Variants in DRD2 observed in about 807,000 individuals in gnomAD.
DRD2 encodes the protein D(2) dopamine receptor.
Under a neutral mutation model 38.0 loss-of-function variants are expected in DRD2, and 8 were observed. That is an observed-to-expected ratio of 0.21 (90% CI 0.12 to 0.38). The LOEUF (loss-of-function observed/expected upper bound fraction) is 0.38. Among genes scored for constraint, DRD2 ranks in the 10% least tolerant of loss-of-function variants. DRD2 has a pLI of 1.00. For synonymous variants in DRD2, 230 were observed against 238.6 expected (o/e 0.96, Z 0.33); for missense variants, 403 against 607.7 (o/e 0.66, Z 3.54).
At chr11:113,464,090 A>G (rs895125784) in intron 1 of DRD2, among the ~76,000 whole-genome samples, 4 of 152,104 alleles carry the variant, frequency 2.6e-5, no homozygotes, top group African/African-American at 9.7e-5. Context: ...CAGCTCTCTC[A>G]TCCACATCTT....
At chr11:113,464,160 T>C (rs1951347213) in intron 1 of DRD2, among the ~76,000 whole-genome samples, 2 of 152,120 alleles carry the variant, frequency 1.3e-5, no homozygotes. Context: ...TCTCTGTAGC[T>C]ATGGAGAGGA....
At chr11:113,465,111 A>ATTT (rs142453320) in intron 1 of DRD2, among the ~76,000 whole-genome samples, 12 of 145,694 alleles carry the variant, frequency 8.2e-5, no homozygotes, top group Non-Finnish European at 1.5e-4. Flanking sequence ...AGCCTCTGTG[A>ATTT]TTTTTTTTTT....
At chr11:113,460,787 G>C (rs993704422) in intron 1 of DRD2, among the ~76,000 whole-genome samples, 4 of 152,238 alleles carry the variant, frequency 2.6e-5, no homozygotes, top group Admixed American at 2.6e-4. Flanking sequence ...GGATGAAGAC[G>C]AGATGAAAGC....
chr11:113,445,590 C>A (rs1951139541), intron 1 of DRD2, among the ~76,000 whole-genome samples: 1 of 152,200 alleles, frequency 6.6e-6, no homozygotes, highest in Non-Finnish European at 1.5e-5. Flanking sequence ...TCTCCTTCAC[C>A]CTTGGATGGA....
At chr11:113,412,535 C>G in intron 7 of DRD2, 21 bp downstream of exon 7, 1 of 1,600,842 alleles carries the variant, frequency 6.2e-7, no homozygotes. Flanking sequence ...GGGCTGTGGC[C>G]AGCAGCCAGG....
chr11:113,466,206 T>C (rs1951367395), intron 1 of DRD2, among the ~76,000 whole-genome samples: 1 of 152,208 alleles, frequency 6.6e-6, no homozygotes, highest in East Asian at 1.9e-4. Flanking sequence ...TTCTTAAAAG[T>C]GCTTTGTGGA....
chr11:113,418,718 C>T (rs1223809600), intron 2 of DRD2, among the ~76,000 whole-genome samples: 3 of 152,146 alleles, frequency 2.0e-5, no homozygotes, highest in Non-Finnish European at 4.4e-5. Context: ...TCTCAGGTAC[C>T]AGAGAGACAA....
intron 1 of DRD2, among the ~76,000 whole-genome samples, chr11:113,472,166 C>T (rs948268148): frequency 4.6e-5 from 7 of 152,306 alleles, no homozygotes; most frequent in South Asian, 2.1e-4. Context: ...TGTGCATGCA[C>T]GTGTATGCAA....
At chr11:113,453,688 G>A (rs530659869) in intron 1 of DRD2, among the ~76,000 whole-genome samples, 66 of 152,318 alleles carry the variant, frequency 4.3e-4, no homozygotes, top group Admixed American at 2.6e-3. Context: ...GTCCACAGAT[G>A]ATTAACACGT....
At chr11:113,456,279 CTAT>C (rs1327289122) in intron 1 of DRD2, among the ~76,000 whole-genome samples, 1 of 152,112 alleles carries the variant, frequency 6.6e-6, no homozygotes, top group Non-Finnish European at 1.5e-5. Flanking sequence ...TTACCAGAGC[CTAT>C]TGGCAGAATG....
In DRD2 at chr11:113,410,818, A is replaced by T; in HGVS notation, c.1241T>A (p.Leu414Gln). ...GTTCACGGCGCTGTTGACATAGCCC[A>T]GCCACGTGAAGGCGCTGTACAGGAC... The part of the protein sequence containing the change: ...PPVLYSAFTW[L>Q]GYVNSAVNPI... The change falls in exon 8 of 8, where the codon CTG becomes CAG. Residue 414 changes from leucine (L) to glutamine (Q), a missense_variant. Coordinates refer to ENST00000362072, the MANE Select transcript of DRD2 (RefSeq NM_000795.4). The T allele has an allele frequency of 6.2e-7, 1 of 1,614,190 alleles. No individual in the cohort carries two copies. The highest frequency in any genetic ancestry group is 8.5e-7 in the Non-Finnish European group (1 of 1,180,022).
In DRD2 at chr11:113,410,270, G is replaced by T; in HGVS notation, c.*457C>A. The T allele has an allele frequency of 3.9e-6, 1 of 257,286 alleles. No homozygotes were observed. The highest frequency in any genetic ancestry group is 8.5e-5 in the East Asian group (1 of 11,792). The allele number at this position is 257,286 out of a possible 1,614,324, so 15.9% of individuals were successfully genotyped here. On this transcript the variant is annotated 3_prime_UTR_variant, in exon 8 of 8. Transcript: ENST00000362072. ...AGTTGCCTGGCTCCTCGGCAAGAGA[G>T]CTTGCTTGCCTCCTGTGGGCCTTGC... is the stretch of plus-strand genomic sequence containing the variant.
intron 5 of DRD2, among the ~76,000 whole-genome samples, chr11:113,415,117 G>A (rs1444830013): frequency 6.6e-6 from 1 of 152,144 alleles, no homozygotes; most frequent in Non-Finnish European, 1.5e-5. Context: ...AACCAGAAAA[G>A]AGGAAGAGAG....
At chr11:113,470,250 G>A (rs527493687) in intron 1 of DRD2, among the ~76,000 whole-genome samples, 1 of 152,202 alleles carries the variant, frequency 6.6e-6, no homozygotes, top group Admixed American at 6.5e-5. Context: ...ACAAGGAGGG[G>A]GTGGAAATGA....
chr11:113,437,185 G>A (rs760897771), intron 1 of DRD2, among the ~76,000 whole-genome samples: 2 of 152,128 alleles, frequency 1.3e-5, no homozygotes, highest in African/African-American at 2.4e-5. Context: ...CATTTACTCC[G>A]CATAGCAGCC....
chr11:113,429,496 C>T (rs1333813272), intron 1 of DRD2, among the ~76,000 whole-genome samples: 1 of 152,064 alleles, frequency 6.6e-6, no homozygotes, highest in Non-Finnish European at 1.5e-5. Flanking sequence ...CTGCCTGCCT[C>T]GGCCTCCCAG....
chr11:113,459,705 G>A (rs749287224), intron 1 of DRD2, among the ~76,000 whole-genome samples: 3 of 152,142 alleles, frequency 2.0e-5, no homozygotes, highest in Admixed American at 6.5e-5. Flanking sequence ...GACAGAATAA[G>A]ATCTACCAAT....
chr11:113,437,654 A>G (rs545742067), intron 1 of DRD2, among the ~76,000 whole-genome samples: 110 of 152,148 alleles, frequency 7.2e-4, no homozygotes, highest in African/African-American at 2.6e-3. Flanking sequence ...GCTGGAGTCC[A>G]GGTGGAGCCA....
rs1175600610 is a variant in DRD2 at position 113,458,355 on chromosome 11, T to C, written c.-32+16721A>G. Among the ~76,000 whole-genome samples, 7 of 151,784 alleles carry C rather than the reference T, an allele frequency of 4.6e-5. No individual in the cohort carries two copies. The East Asian group carries it at 1.4e-3, about 30-fold the overall frequency. On this transcript the variant is annotated intron_variant, in intron 1 of 7. Transcript: ENST00000362072. ...ATATGTAATCTCTGACCCACATGGG[T>C]GATATGGGATGCCAGGTGTGGGCCT...
Sources: gnomAD v4.1 joint callset for allele counts (sites outside exome capture counted in the v4.1 genomes callset) on GRCh38, gnomAD v4.1.1 for gene constraint, MANE v1.5 for transcripts, NCBI Gene and HGNC (gene_info 2026-07-23, HGNC 2026-07-21) for gene names.